Variants in FRMD5 observed in about 807,000 individuals in gnomAD.
FRMD5 encodes the protein FERM domain-containing protein 5.
Under a neutral mutation model 69.0 loss-of-function variants are expected in FRMD5, and 20 were observed. That is an observed-to-expected ratio of 0.29 (90% CI 0.20 to 0.42). FRMD5 has a LOEUF of 0.42. FRMD5 is among the 10% of genes least tolerant of loss of function. The pLI is 1.00. For synonymous variants in FRMD5, 271 were observed against 260.1 expected, an observed-to-expected ratio of 1.04 and a Z score of -0.40; for missense variants, 595 against 708.6, an observed-to-expected ratio of 0.84 and a Z score of 1.82.
rs117717673 is a variant in FRMD5, at chr15:43,943,762, C to G, written c.103-19453G>C. On this transcript the variant is annotated intron_variant, in intron 1 of 13. Transcript: ENST00000417257. ...GCAAGGAAGAATTCTTCCCTAGAGT[C>G]TCCAGAGGGAGAATGTCTCTGCTGA... Among the ~76,000 whole-genome samples the G allele has an allele frequency of 2.1e-3, 315 of 152,358 alleles. No individual in the cohort carries two copies. The East Asian group carries it at 0.041, about 20-fold the overall frequency.
chr15:44,168,624 A>G (rs898168150), intron 1 of FRMD5, among the ~76,000 whole-genome samples: 4 of 152,194 alleles, frequency 2.6e-5, no homozygotes, highest in African/African-American at 9.6e-5. Context: ...AATAAACTGT[A>G]TCTTTATTGT....
At chr15:44,012,236 G>A (rs566653395) in intron 1 of FRMD5, among the ~76,000 whole-genome samples, 2 of 152,214 alleles carry the variant, frequency 1.3e-5, no homozygotes, top group East Asian at 3.9e-4. Context: ...AATGGACTGC[G>A]GATAGAGAGG....
intron 1 of FRMD5, among the ~76,000 whole-genome samples, chr15:44,168,590 A>C (rs1419659673): frequency 6.6e-6 from 1 of 152,124 alleles, no homozygotes; most frequent in Non-Finnish European, 1.5e-5. Flanking sequence ...TTCTTTAACA[A>C]CTCTACTTTC....
chr15:43,996,063 G>A (rs1342553180), intron 1 of FRMD5, among the ~76,000 whole-genome samples: 1 of 152,170 alleles, frequency 6.6e-6, no homozygotes, highest in Non-Finnish European at 1.5e-5. Flanking sequence ...TGAGGCCTAG[G>A]CTTCTGCCGT....
At chr15:43,897,034 A>G (rs575444276) in intron 7 of FRMD5, among the ~76,000 whole-genome samples, 3 of 152,268 alleles carry the variant, frequency 2.0e-5, no homozygotes, top group East Asian at 1.9e-4. Context: ...GTGTTACTCC[A>G]TGACAGCTCA....
intron 1 of FRMD5, among the ~76,000 whole-genome samples, chr15:44,001,418 C>A (rs1890204951): frequency 6.6e-6 from 1 of 151,734 alleles, no homozygotes; most frequent in East Asian, 1.9e-4. Flanking sequence ...TTGATGTAGC[C>A]CTACTTGTTT....
intron 1 of FRMD5, among the ~76,000 whole-genome samples, chr15:44,136,304 G>A (rs1281244721): frequency 5.9e-5 from 9 of 152,236 alleles, no homozygotes; most frequent in Middle Eastern, 3.4e-3. Context: ...GATTACAGGC[G>A]TGAGCCACGG....
At chr15:43,922,374 GCCT>G (rs2089508996) in intron 2 of FRMD5, among the ~76,000 whole-genome samples, 1 of 152,172 alleles carries the variant, frequency 6.6e-6, no homozygotes, top group South Asian at 2.1e-4. Flanking sequence ...TTAGCTTAGT[GCCT>G]GGCACGACTC....
intron 1 of FRMD5, among the ~76,000 whole-genome samples, chr15:44,105,802 G>T (rs911219585): frequency 6.6e-6 from 1 of 152,032 alleles, no homozygotes; most frequent in Non-Finnish European, 1.5e-5. Context: ...CTGCCCATTA[G>T]AACTAAATGG....
chr15:44,057,748 TATTA>T (rs1312168620), intron 1 of FRMD5, among the ~76,000 whole-genome samples: 8 of 152,352 alleles, frequency 5.3e-5, no homozygotes, highest in Admixed American at 2.6e-4. Flanking sequence ...TTGGTTCTGT[TATTA>T]ATTAACTATT....
intron 1 of FRMD5, among the ~76,000 whole-genome samples, chr15:44,115,044 T>C (rs1382211500): frequency 6.6e-6 from 1 of 152,152 alleles, no homozygotes; most frequent in East Asian, 1.9e-4. Context: ...TAATTCACTT[T>C]TTAAAAAAAA....
chr15:43,874,282 C>G lies in FRMD5; in HGVS notation c.1316G>C (p.Ser439Thr), dbSNP rs1405943909. 6.2e-7 allele frequency: 1 copy of G among 1,614,228 alleles called. No individual in the cohort carries two copies. Among genetic ancestry groups the G allele is most frequent in the African/African-American group, 1.3e-5 (1 of 75,070 alleles). The stretch of plus-strand genomic sequence containing the variant: ...CCGGGAAAGCAACATCAGCTCCAGG[C>G]TGTGCTCAGCCACAGGGGTGGGCAG... ...SVLPTPVAEH[S>T]LELMLLSRQI... Residue 439 changes from serine to threonine, a missense_variant, in exon 14 of 14, where the codon AGC (serine) becomes ACC (threonine). This residue lies in a region of FRMD5 where 245 missense variants were observed against 227.1 expected (regional missense o/e 1.08). Coordinates refer to ENST00000417257, the MANE Select transcript of FRMD5 (RefSeq NM_032892.5).
chr15:43,957,408 GC>G (rs1189212194), intron 1 of FRMD5, among the ~76,000 whole-genome samples: 1 of 152,142 alleles, frequency 6.6e-6, no homozygotes, highest in Non-Finnish European at 1.5e-5. Context: ...TGTTGGCCAG[GC>G]TGGTATCAAA....
rs550263733 is a variant in FRMD5, at chr15:44,112,254, G to C, written c.102+82699C>G. 2.0e-5 allele frequency among the ~76,000 whole-genome samples: 3 copies of C among 152,284 alleles called. No homozygotes were observed. The East Asian group carries it at 5.8e-4, about 29-fold the overall frequency. Reference sequence around the variant, plus strand: ...ATTGCTTAAGTGCACAGGAATTATAGTGAACTTATACTAGAAGTTTTATTT... The same window carrying C: ...ATTGCTTAAGTGCACAGGAATTATACTGAACTTATACTAGAAGTTTTATTT... On this transcript the variant is annotated intron_variant, in intron 1 of 13. Coordinates refer to ENST00000417257, the MANE Select transcript of FRMD5 (RefSeq NM_032892.5).
Position 43,874,420 on chromosome 15 carries a change from C to A in FRMD5, c.1178G>T (p.Arg393Leu), listed in dbSNP as rs148081959. The A allele has an allele frequency of 1.9e-6, 3 of 1,614,090 alleles. No individual in the cohort carries two copies. Among genetic ancestry groups the A allele is most frequent in the African/African-American group, 2.7e-5 (2 of 74,946 alleles). The part of the protein sequence containing the change: ...LRDSAHSTPV[R>L]STSHGDTFLP... ...GAAGGTGTCCCCATGGGAAGTGGAA[C>A]GCACTGGTGTGGAATGGGCACTGTC... Residue 393 changes from arginine (R) to leucine (L), a missense_variant, in exon 14 of 14, where the codon CGT (arginine) becomes CTT (leucine). Arg to Leu is a moderately radical substitution (Grantham distance 102). This residue lies in a region of FRMD5 where 245 missense variants were observed against 227.1 expected (regional missense o/e 1.08). Transcript: ENST00000417257.
chr15:44,031,373 C>A (rs539113756), intron 1 of FRMD5, among the ~76,000 whole-genome samples: 7 of 152,108 alleles, frequency 4.6e-5, no homozygotes, highest in Non-Finnish European at 8.8e-5. Context: ...AATACCATAA[C>A]CTGGGTGGCT....
intron 1 of FRMD5, among the ~76,000 whole-genome samples, chr15:44,063,078 C>T (rs1893161115): frequency 6.6e-6 from 1 of 152,128 alleles, no homozygotes; most frequent in Admixed American, 6.5e-5. Flanking sequence ...ATTGTTTTGG[C>T]TATTCTACGT....
At chr15:44,194,521 AAAGAT>A (rs2078250753) in intron 1 of FRMD5, 3 of 274,752 alleles carry the variant, frequency 1.1e-5, no homozygotes, top group Admixed American at 1.1e-4. Context: ...CCAACCCAAG[AAAGAT>A]AAGAAAAGCC....
At chr15:44,121,314 G>A (rs1406009063) in intron 1 of FRMD5, among the ~76,000 whole-genome samples, 1 of 151,618 alleles carries the variant, frequency 6.6e-6, no homozygotes, top group East Asian at 1.9e-4. Flanking sequence ...GATGTGAAGG[G>A]AATAAATGCC....
Sources: allele counts gnomAD v4.1 joint callset (sites outside exome capture counted in the v4.1 genomes callset), GRCh38; gene constraint gnomAD v4.1.1; regional missense constraint gnomAD v4.1.1; transcripts MANE v1.5; gene names NCBI Gene and HGNC (gene_info 2026-07-23, HGNC 2026-07-21).